The following RFTN1 variants were observed in gnomAD, a reference collection of about 807,000 sequenced individuals.
RFTN1 encodes the protein raftlin.
Under a neutral mutation model 46.5 loss-of-function variants are expected in RFTN1, and 26 were observed. That is an observed-to-expected ratio of 0.56 (90% confidence interval 0.41 to 0.78). The LOEUF is 0.78. RFTN1 is among the 30% of genes least tolerant of loss of function. The pLI, the probability that RFTN1 is intolerant of heterozygous loss-of-function variation, is 0.00. For synonymous variants in RFTN1, 261 were observed against 284.2 expected (o/e 0.92, Z 0.82); for missense variants, 693 against 718.7 (o/e 0.96, Z 0.41).
rs1298529681 is a variant in RFTN1, at chr3:16,400,375, C to T, written c.441+9000G>A. On this transcript the variant is annotated intron_variant, in intron 4 of 9. Transcript: ENST00000334133. This position sits in a 1 kb window ranked among gnomAD's most constrained non-coding sequence, Gnocchi z 4.5. The stretch of plus-strand genomic sequence containing the variant: ...TACACTTCATGGAGCACTCCCCCAA[C>T]ACTGCCAGCCTGGGGCAGGCCCCTT... 1.3e-5 allele frequency among the ~76,000 whole-genome samples: 2 copies of T among 152,232 alleles called. No individual in the cohort carries two copies. The highest frequency in any genetic ancestry group is 6.5e-5 in the Admixed American group (1 of 15,288).
chr3:16,338,074 C>T lies in RFTN1; in HGVS notation c.1147-11198G>A, dbSNP rs1019776984. Among the ~76,000 whole-genome samples, 6 of 152,252 alleles carry T rather than the reference C, an allele frequency of 3.9e-5. No homozygotes were observed. The highest frequency in any genetic ancestry group is 6.5e-5 in the Admixed American group (1 of 15,288). On this transcript the variant is annotated intron_variant, in intron 7 of 9. Transcript: ENST00000334133. This position sits in a 1 kb window ranked among gnomAD's most constrained non-coding sequence, Gnocchi z 5.3. ...TGCCAAGCTGGCAAGAAAACCAAAC[C>T]TGCATGTGCAAGATAACATTCTCCT...
intron 6 of RFTN1, among the ~76,000 whole-genome samples, chr3:16,368,581 GA>G (rs2073344962): frequency 6.6e-6 from 1 of 152,082 alleles, no homozygotes; most frequent in African/African-American, 2.4e-5. Context: ...TGAGGCAGGA[GA>G]ATGGCATGAA....
intron 1 of RFTN1, among the ~76,000 whole-genome samples, chr3:16,511,343 T>A: frequency 6.6e-6 from 1 of 152,232 alleles, no homozygotes; most frequent in Non-Finnish European, 1.5e-5. Context: ...TGTACTAAAA[T>A]GTTTAGGAAT....
rs1301695692 is a variant in RFTN1 at position 16,506,003 on chromosome 3, C to T, written c.-9+7439G>A. ...GCACGCCTGCCCTCATGGACCTTAC[C>T]TTCAGAAGCCGAGAAACAGGCAATA... On this transcript the variant is annotated intron_variant, in intron 1 of 9. Coordinates refer to ENST00000334133, the MANE Select transcript of RFTN1 (RefSeq NM_015150.2). This position sits in a 1 kb window ranked among gnomAD's most constrained non-coding sequence, Gnocchi z 4.8. 6.6e-6 allele frequency among the ~76,000 whole-genome samples: 1 copy of T among 152,128 alleles called. No homozygotes were observed. Among genetic ancestry groups the T allele is most frequent in the Non-Finnish European group, 1.5e-5 (1 of 68,028 alleles).
At chr3:16,471,093 T>A (rs549002032) in intron 2 of RFTN1, among the ~76,000 whole-genome samples, 1 of 152,194 alleles carries the variant, frequency 6.6e-6, no homozygotes, top group African/African-American at 2.4e-5. Flanking sequence ...AACCACAGAA[T>A]AAAGCAAACC....
Position 16,332,509 on chromosome 3 carries a change from C to T in RFTN1, c.1147-5633G>A, listed in dbSNP as rs112845297. Among the ~76,000 whole-genome samples, 20 of 151,796 alleles carry T rather than the reference C, an allele frequency of 1.3e-4. 1 individual carries two copies. Among genetic ancestry groups the T allele is most frequent in the African/African-American group, 3.9e-4 (16 of 41,406 alleles). On this transcript the variant is annotated intron_variant, in intron 7 of 9. Transcript: ENST00000334133. ...TCTTCTGATACCTACATTATCTCCA[C>T]GGTTCCCAGGTTGCATGTGACAGAG...
At chr3:16,502,617 G>A (rs1018917785) in intron 1 of RFTN1, among the ~76,000 whole-genome samples, 22 of 152,174 alleles carry the variant, frequency 1.4e-4, no homozygotes, top group Admixed American at 2.6e-4. Flanking sequence ...TAGATCTCTC[G>A]TTCTGGGGGA....
rs983796641 is a variant in RFTN1 at position 16,439,145 on chromosome 3, TA to T, written c.146-5109del. On this transcript the variant is annotated intron_variant, in intron 2 of 9. Transcript: ENST00000334133. ...ATGAATCTCAATGATCTTAAAGCAA[TA>T]AAAAAAGGCTCCTATTATAAACATG... Among the ~76,000 whole-genome samples the T allele has an allele frequency of 3.3e-4, 50 of 152,174 alleles. 1 individual carries two copies. The highest frequency in any genetic ancestry group is 1.1e-3 in the African/African-American group (45 of 41,530).
At chr3:16,467,991 C>T (rs1575334236) in intron 2 of RFTN1, among the ~76,000 whole-genome samples, 1 of 152,310 alleles carries the variant, frequency 6.6e-6, no homozygotes, top group East Asian at 1.9e-4. Context: ...ATTAATTCCT[C>T]AGCAAGCCTT....
intron 3 of RFTN1, among the ~76,000 whole-genome samples, chr3:16,414,777 A>C (rs1276235533): frequency 6.6e-6 from 1 of 152,242 alleles, no homozygotes; most frequent in South Asian, 2.1e-4. Context: ...GGGCTCATCC[A>C]GGGCATGAGC....
intron 7 of RFTN1, among the ~76,000 whole-genome samples, chr3:16,347,053 C>G (rs1159118969): frequency 6.6e-6 from 1 of 152,216 alleles, no homozygotes; most frequent in Non-Finnish European, 1.5e-5. Context: ...TGACCACCAC[C>G]CTTATTCTAT....
intron 6 of RFTN1, among the ~76,000 whole-genome samples, chr3:16,369,052 G>A (rs144806586): frequency 6.6e-6 from 1 of 152,172 alleles, no homozygotes; most frequent in Non-Finnish European, 1.5e-5. Context: ...GTCAATATTA[G>A]TCAATGATAC....
chr3:16,493,143 C>T (rs1178359962), intron 2 of RFTN1, among the ~76,000 whole-genome samples: 2 of 152,166 alleles, frequency 1.3e-5, no homozygotes, highest in Non-Finnish European at 2.9e-5. Flanking sequence ...AAACAGTCTG[C>T]AAACTGGTTG....
rs1156952307 is a variant in RFTN1 at position 16,468,667 on chromosome 3, A to C, written c.145+25058T>G. Among the ~76,000 whole-genome samples, 1 of 152,094 alleles carries C rather than the reference A, an allele frequency of 6.6e-6. No individual in the cohort carries two copies. Among genetic ancestry groups the C allele is most frequent in the African/African-American group, 2.4e-5 (1 of 41,402 alleles). On this transcript the variant is annotated intron_variant, in intron 2 of 9. Coordinates refer to ENST00000334133, the MANE Select transcript of RFTN1 (RefSeq NM_015150.2). This position sits in a 1 kb window ranked among gnomAD's most constrained non-coding sequence, Gnocchi z 4.4. ...AAAAAAAAAACTTTACTCAGAAAAA[A>C]GATAAGGCTAAAATCAGATCTCAGA... is the stretch of plus-strand genomic sequence containing the variant.
rs377234940 is a variant in RFTN1 at position 16,443,678 on chromosome 3, C to T, written c.146-9641G>A. Among the ~76,000 whole-genome samples the T allele has an allele frequency of 5.3e-5, 8 of 151,570 alleles. No individual in the cohort carries two copies. Among genetic ancestry groups the T allele is most frequent in the East Asian group, 1.9e-4 (1 of 5,170 alleles). On this transcript the variant is annotated intron_variant, in intron 2 of 9. Coordinates refer to ENST00000334133, the MANE Select transcript of RFTN1 (RefSeq NM_015150.2). This position sits in a 1 kb window ranked among gnomAD's most constrained non-coding sequence, Gnocchi z 5.5. ...CATCAGGCTGTCGTGACAATGGGAG[C>T]GGGGAAGAGTTAAGTTGTTATTGGT... is the stretch of plus-strand genomic sequence containing the variant.
intron 2 of RFTN1, among the ~76,000 whole-genome samples, chr3:16,434,948 A>G (rs1279288588): frequency 1.3e-5 from 2 of 152,258 alleles, no homozygotes; most frequent in African/African-American, 2.4e-5. Flanking sequence ...AGAATTACAC[A>G]AATAAAAACC....
intron 4 of RFTN1, among the ~76,000 whole-genome samples, chr3:16,391,858 G>GTTTTTTTTTGTTTT (rs2074348121): frequency 6.1e-5 from 3 of 49,122 alleles, no homozygotes; most frequent in Admixed American, 3.2e-4. Context: ...TAGTGCAAAG[G>GTTTTTTTTTGTTTT]TTTTTTTTTT....
At position 16,316,708 on chromosome 3, in the gene RFTN1, T is replaced by G. The variant is rs1026196260; in HGVS notation, c.*120A>C. 12 of 1,258,752 alleles carry G rather than the reference T, an allele frequency of 9.5e-6. No homozygotes were observed. The highest frequency in any genetic ancestry group is 1.4e-5 in the Non-Finnish European group (12 of 878,868). The allele number at this position is 1,258,752 out of a possible 1,614,324, so 78.0% of individuals were successfully genotyped here. A position where few individuals can be genotyped will look rare whatever the true frequency, so the allele number is the denominator to read the frequency against. On this transcript the variant is annotated 3_prime_UTR_variant, in exon 10 of 10. Coordinates refer to ENST00000334133, the MANE Select transcript of RFTN1 (RefSeq NM_015150.2). This position sits in a 1 kb window ranked among gnomAD's most constrained non-coding sequence, Gnocchi z 4.5. ...GCTCAGGTGAGCTCACAAGGAGAGG[T>G]CAAGCCAAGCCAAAGGGTAGGTAAC...
At chr3:16,391,858 GTTTTTTTTTTGTT>G (rs1407693383) in intron 4 of RFTN1, among the ~76,000 whole-genome samples, 1 of 49,122 alleles carries the variant, frequency 2.0e-5, no homozygotes, top group Non-Finnish European at 5.4e-5. Flanking sequence ...TAGTGCAAAG[GTTTTTTTTTTGTT>G]TTTTTTTTTT....
Sources: gnomAD v4.1 joint callset for allele counts (sites outside exome capture counted in the v4.1 genomes callset) on GRCh38, gnomAD v4.1.1 for gene constraint, Gnocchi (gnomAD v3.1) non-coding constraint, MANE v1.5 for transcripts, NCBI Gene and HGNC (gene_info 2026-07-23, HGNC 2026-07-21) for gene names.